Variants in DOCK2 observed in about 807,000 individuals in gnomAD.
The protein encoded by DOCK2 is dedicator of cytokinesis 2, also known as dedicator of cytokinesis protein 2.
DOCK2 carries 87 observed loss-of-function variants against 248.9 expected under a neutral mutation model. The ratio of observed to expected loss-of-function variants is 0.35; its 90% confidence interval spans 0.29 to 0.42. The LOEUF (loss-of-function observed/expected upper bound fraction) is 0.42, where lower values mean the gene tolerates loss of function less well. Among genes scored for constraint, DOCK2 ranks in the 10% least tolerant of loss-of-function variants. DOCK2 has a pLI of 1.00. For synonymous variants in DOCK2, 805 were observed against 821.6 expected (o/e 0.98, Z 0.35); for missense variants, 1,747 against 2,300.2 (o/e 0.76, Z 4.92).
chr5:169,780,434 C>T (rs929067166), intron 25 of DOCK2, among the ~76,000 whole-genome samples: 1 of 151,750 alleles, frequency 6.6e-6, no homozygotes, highest in African/African-American at 2.4e-5. Flanking sequence ...CAATAAAGTA[C>T]CTCTGGGCCT....
At chr5:169,798,666 GCTT>G (rs1379902774) in intron 25 of DOCK2, among the ~76,000 whole-genome samples, 1 of 152,162 alleles carries the variant, frequency 6.6e-6, no homozygotes, top group African/African-American at 2.4e-5. Context: ...ACTCAAGTCT[GCTT>G]CTTATCTCTG....
At chr5:169,961,978 CAAA>C (rs70979150) in intron 27 of DOCK2, among the ~76,000 whole-genome samples, 2 of 74,642 alleles carry the variant, frequency 2.7e-5, no homozygotes, top group African/African-American at 6.8e-5. Flanking sequence ...GACTCTGTCC[CAAA>C]AAAAAAAAAA....
chr5:169,834,082 A>C (rs1333915273), intron 26 of DOCK2, among the ~76,000 whole-genome samples: 2 of 148,684 alleles, frequency 1.3e-5, no homozygotes, highest in Non-Finnish European at 3.0e-5. Flanking sequence ...ACCCTGCAAT[A>C]AGCTCACAGA....
At chr5:170,029,235 A>G (rs1313307504) in intron 34 of DOCK2, among the ~76,000 whole-genome samples, 1 of 152,132 alleles carries the variant, frequency 6.6e-6, no homozygotes, top group Non-Finnish European at 1.5e-5. Context: ...TCTTGTTAAC[A>G]CTTGTTAATA....
intron 46 of DOCK2, among the ~76,000 whole-genome samples, chr5:170,070,973 G>C (rs548478340): frequency 6.6e-6 from 1 of 152,114 alleles, no homozygotes; most frequent in Non-Finnish European, 1.5e-5. Flanking sequence ...TTAGCTAGGC[G>C]CCTTCAGACA....
intron 30 of DOCK2, among the ~76,000 whole-genome samples, chr5:169,999,550 C>T (rs911949091): frequency 1.3e-5 from 2 of 152,124 alleles, no homozygotes; most frequent in African/African-American, 2.4e-5. Context: ...CACAACATTG[C>T]CTGGGGCTGT....
intron 42 of DOCK2, 69 bp downstream of exon 42, chr5:170,055,455 G>A: frequency 7.0e-7 from 1 of 1,437,766 alleles, no homozygotes; most frequent in Admixed American, 1.7e-5. Flanking sequence ...AACTGAGCTG[G>A]TGGCAGAACA....
intron 27 of DOCK2, among the ~76,000 whole-genome samples, chr5:169,906,486 G>A (rs1239485524): frequency 2.6e-5 from 4 of 151,570 alleles, no homozygotes; most frequent in Non-Finnish European, 5.9e-5. Flanking sequence ...ATTTTGTTAC[G>A]TTATGTTATG....
chr5:170,012,361 A>T (rs1225370195), intron 32 of DOCK2, among the ~76,000 whole-genome samples: 1 of 152,250 alleles, frequency 6.6e-6, no homozygotes, highest in Non-Finnish European at 1.5e-5. Flanking sequence ...AAGATGACTG[A>T]TAATGAGTAA....
In DOCK2 at chr5:169,986,107, G is replaced by A. The variant is rs1289153976; in HGVS notation, c.2993+185G>A. 4.6e-5 allele frequency among the ~76,000 whole-genome samples: 7 copies of A among 152,198 alleles called. No homozygotes were observed. In the East Asian group the frequency reaches 7.7e-4, roughly 17 times the overall value. On this transcript the variant is annotated intron_variant, in intron 29 of 51. Coordinates refer to ENST00000520908, the MANE Select transcript of DOCK2 (RefSeq NM_004946.3). ...ACCAATCGAAGCTACTCAAAAAATCGTCTCCAACTTCTCCATTTTTCAAAT... is the reference window on the plus strand; with the variant it reads ...ACCAATCGAAGCTACTCAAAAAATCATCTCCAACTTCTCCATTTTTCAAAT...
intron 25 of DOCK2, among the ~76,000 whole-genome samples, chr5:169,779,808 G>A (rs947472427): frequency 3.2e-4 from 49 of 151,564 alleles, no homozygotes; most frequent in Non-Finnish European, 2.8e-4. Flanking sequence ...TGAACAACTC[G>A]CATCAGCTTA....
At chr5:169,993,731 A>C (rs997440885) in intron 29 of DOCK2, among the ~76,000 whole-genome samples, 2 of 152,234 alleles carry the variant, frequency 1.3e-5, no homozygotes, top group Admixed American at 6.5e-5. Flanking sequence ...ATCCACTGGC[A>C]GCTTCAGTGA....
chr5:169,776,768 G>A (rs868535320), intron 25 of DOCK2, among the ~76,000 whole-genome samples: 16 of 152,212 alleles, frequency 1.1e-4, no homozygotes, highest in Non-Finnish European at 1.8e-4. Context: ...CCCTTTGCTC[G>A]CCACGCATTC....
rs180738650 is a variant in DOCK2 at position 169,962,487 on chromosome 5, A to G, written c.2800-20581A>G. ...AAAGGTGTGAAGATGAAGAATTCCA[A>G]CTGAGCATCTTGAGTTTGAGATGCC... is the stretch of plus-strand genomic sequence containing the variant. On this transcript the variant is annotated intron_variant, in intron 27 of 51. Transcript: ENST00000520908. Among the ~76,000 whole-genome samples the G allele has an allele frequency of 3.3e-5, 5 of 152,284 alleles. No individual in the cohort carries two copies. The East Asian group carries it at 9.7e-4, about 29-fold the overall frequency.
chr5:169,857,397 A>C (rs1245030379), intron 27 of DOCK2, among the ~76,000 whole-genome samples: 2 of 152,218 alleles, frequency 1.3e-5, no homozygotes, highest in Non-Finnish European at 2.9e-5. Flanking sequence ...TACTGGGAGC[A>C]AACATTAGTG....
chr5:169,861,311 A>G (rs1771182392), intron 27 of DOCK2, among the ~76,000 whole-genome samples: 1 of 152,270 alleles, frequency 6.6e-6, no homozygotes, highest in South Asian at 2.1e-4. Flanking sequence ...AAACCTAGAA[A>G]AAATATGTAA....
At chr5:169,688,536 C>G (rs1334478837) in intron 8 of DOCK2, among the ~76,000 whole-genome samples, 1 of 152,078 alleles carries the variant, frequency 6.6e-6, no homozygotes, top group African/African-American at 2.4e-5. Context: ...ATATATCTAC[C>G]AGTTGAGCAT....
intron 27 of DOCK2, among the ~76,000 whole-genome samples, chr5:169,896,006 C>G (rs1391128601): frequency 6.6e-6 from 1 of 152,174 alleles, no homozygotes; most frequent in Non-Finnish European, 1.5e-5. Context: ...GATCTCAAGC[C>G]TGGCCTTGGC....
intron 28 of DOCK2, among the ~76,000 whole-genome samples, chr5:169,984,839 A>T (rs1039934861): frequency 6.6e-6 from 1 of 152,216 alleles, no homozygotes; most frequent in African/African-American, 2.4e-5. Context: ...CCTAAAGTAC[A>T]CTGGTGGTAT....
Sources: allele counts gnomAD v4.1 joint callset (sites outside exome capture counted in the v4.1 genomes callset), GRCh38; gene constraint gnomAD v4.1.1; transcripts MANE v1.5; gene names NCBI Gene and HGNC (gene_info 2026-07-23, HGNC 2026-07-21).